The following MET variants were observed in gnomAD, a reference collection of about 807,000 sequenced individuals.
The protein encoded by MET is hepatocyte growth factor receptor.
A neutral mutation model predicts 133.1 loss-of-function variants in MET; 48 were observed. That is an observed-to-expected ratio of 0.36 (90% CI 0.29 to 0.46). The LOEUF (loss-of-function observed/expected upper bound fraction) is 0.46, where lower values mean the gene tolerates loss of function less well. Among genes scored for constraint, MET ranks in the 20% least tolerant of loss-of-function variants. The pLI is 1.00. For missense variants in MET, 1,442 were observed against 1,695.9 expected (o/e 0.85, Z 2.63); for synonymous variants, 628 against 616.5 (o/e 1.02, Z -0.28).
At chr7:116,731,632 G>A (rs775643960) in intron 2 of MET, 36 bp from the exon 3 acceptor site, 3 of 1,610,070 alleles carry the variant, frequency 1.9e-6, no homozygotes, top group Non-Finnish European at 2.5e-6. Flanking sequence ...TTCATGTCTG[G>A]ATTCACATTA....
At chr7:116,744,995 G>C (rs572342218) in intron 5 of MET, among the ~76,000 whole-genome samples, 25 of 152,322 alleles carry the variant, frequency 1.6e-4, no homozygotes, top group Non-Finnish European at 3.4e-4. Flanking sequence ...AATTGTCCCT[G>C]TTTGCAGATG....
chr7:116,737,610 A>T (rs1793269347), intron 3 of MET, among the ~76,000 whole-genome samples: 1 of 152,158 alleles, frequency 6.6e-6, no homozygotes, highest in Admixed American at 6.5e-5. Flanking sequence ...AATAGTACCT[A>T]CCTTATAGGA....
rs563007490 is a variant in MET, at chr7:116,694,986, A to G, written c.-14-4085A>G. The stretch of plus-strand genomic sequence containing the variant: ...AGATTATTTTGAAGGCTCCTTCAAA[A>G]AGCCTAGAAGAAAAAATGTCATTCA... On this transcript the variant is annotated intron_variant, in intron 1 of 20. Coordinates refer to ENST00000397752, the MANE Select transcript of MET (RefSeq NM_000245.4). 3.3e-5 allele frequency among the ~76,000 whole-genome samples: 5 copies of G among 152,316 alleles called. No individual in the cohort carries two copies. In the East Asian group the frequency reaches 9.6e-4, roughly 29 times the overall value.
rs968958135 is a variant in MET, at chr7:116,672,337, G to A, written c.-255G>A. 2 of 305,730 alleles carry A rather than the reference G, an allele frequency of 6.5e-6. No homozygotes were observed. Among genetic ancestry groups the A allele is most frequent in the East Asian group, 5.2e-5 (1 of 19,064 alleles). 18.9% of individuals were successfully genotyped at this position (305,730 alleles called of 1,614,324 possible). Reference sequence around the variant, plus strand: ...GGCAGGGCAGCGCGCGTGTGGGAAGGGGCGGAGGGAGTGCGGCCGGCGGGC... The same window carrying A: ...GGCAGGGCAGCGCGCGTGTGGGAAGAGGCGGAGGGAGTGCGGCCGGCGGGC... On this transcript the variant is annotated 5_prime_UTR_variant, in exon 1 of 21. Coordinates refer to ENST00000397752, the MANE Select transcript of MET (RefSeq NM_000245.4).
intron 3 of MET, among the ~76,000 whole-genome samples, chr7:116,735,728 G>T (rs923982426): frequency 4.0e-5 from 6 of 149,612 alleles, no homozygotes; most frequent in African/African-American, 1.5e-4. Flanking sequence ...CTGCCTTTTT[G>T]TGTGTGTACA....
At chr7:116,735,021 C>G (rs984138307) in intron 3 of MET, among the ~76,000 whole-genome samples, 6 of 152,124 alleles carry the variant, frequency 3.9e-5, no homozygotes, top group Non-Finnish European at 7.3e-5. Flanking sequence ...GACTGTCAGG[C>G]CAGGGAGAGT....
chr7:116,771,132 T>G (rs1167875033), intron 12 of MET, among the ~76,000 whole-genome samples: 4 of 152,198 alleles, frequency 2.6e-5, no homozygotes, highest in Non-Finnish European at 5.9e-5. Flanking sequence ...AATGTCCCAT[T>G]GTCTCTGTTG....
At chr7:116,764,678 A>G (rs1318169583) in intron 11 of MET, among the ~76,000 whole-genome samples, 5 of 152,180 alleles carry the variant, frequency 3.3e-5, no homozygotes, top group Non-Finnish European at 5.9e-5. Context: ...TTGGACCAAG[A>G]AAAACATAAT....
intron 2 of MET, chr7:116,724,085 G>C (rs1792624553): frequency 5.7e-6 from 1 of 174,596 alleles, no homozygotes; most frequent in Admixed American, 6.3e-5. Context: ...CCCCAGCCTC[G>C]CTGCCGCCTT....
chr7:116,769,715 T>C lies in MET; in HGVS notation c.2654T>C (p.Ile885Thr), dbSNP rs1794768724. 6.2e-7 allele frequency: 1 copy of C among 1,613,048 alleles called. No individual in the cohort carries two copies. Among genetic ancestry groups the C allele is most frequent in the Non-Finnish European group, 8.5e-7 (1 of 1,179,786 alleles). ...GTTGGAAATAAGAGCTGTGAGAATA[T>C]ACACTTACATTCTGAAGCCGTTTTA... ...LKVGNKSCENIHLHSEAVLCT... is the reference protein window; with the variant it reads ...LKVGNKSCENTHLHSEAVLCT... The change falls in exon 12 of 21, where the codon ATA becomes ACA. Residue 885 changes from isoleucine (I) to threonine (T), a missense_variant. Physicochemically the swap from Ile to Thr is moderately conservative, Grantham distance 89 (BLOSUM62 -1). Transcript: ENST00000397752.
At chr7:116,730,515 G>A (rs1291428820) in intron 2 of MET, among the ~76,000 whole-genome samples, 3 of 152,208 alleles carry the variant, frequency 2.0e-5, no homozygotes, top group Non-Finnish European at 4.4e-5. Context: ...AACAGTGGAT[G>A]TGGTGGGTCT....
chr7:116,759,615 G>A (rs1296280927), intron 10 of MET, 125 bp downstream of exon 10: 3 of 1,054,402 alleles, frequency 2.8e-6, no homozygotes, highest in Non-Finnish European at 4.3e-6. Context: ...TCCTTGCAGT[G>A]TAGCCAAGTA....
At position 116,797,794 on chromosome 7, in the gene MET, A is replaced by G. The variant is rs1182727638; in HGVS notation, c.*1670A>G. ...AATGTACTGATTGCCAATACACCCC[A>G]CCCTCATTACATCATCAGGACTTGA... On this transcript the variant is annotated 3_prime_UTR_variant, in exon 21 of 21. Coordinates refer to ENST00000397752, the MANE Select transcript of MET (RefSeq NM_000245.4). The G allele has an allele frequency of 8.9e-6, 2 of 225,726 alleles. No homozygotes were observed. Among genetic ancestry groups the G allele is most frequent in the Non-Finnish European group, 1.8e-5 (2 of 113,394 alleles). The allele number at this position is 225,726 out of a possible 1,614,324, so 14.0% of individuals were successfully genotyped here. A position where few individuals can be genotyped will look rare whatever the true frequency, so the allele number is the denominator to read the frequency against.
At chr7:116,752,016 G>T (rs1419160204) in intron 5 of MET, among the ~76,000 whole-genome samples, 1 of 151,972 alleles carries the variant, frequency 6.6e-6, no homozygotes, top group Non-Finnish European at 1.5e-5. Flanking sequence ...AGCCAAGATT[G>T]CTCCACTGCA....
At chr7:116,704,304 T>C (rs1791699068) in intron 2 of MET, among the ~76,000 whole-genome samples, 1 of 152,114 alleles carries the variant, frequency 6.6e-6, no homozygotes, top group African/African-American at 2.4e-5. Context: ...ATCAGAGATG[T>C]TGGTTCAAAT....
intron 1 of MET, among the ~76,000 whole-genome samples, chr7:116,673,130 G>GA (rs955108480): frequency 2.6e-5 from 4 of 152,298 alleles, no homozygotes; most frequent in Admixed American, 2.6e-4. Flanking sequence ...CTTATTAGGT[G>GA]AAATAGATTA....
chr7:116,785,192 T>C (rs1430882194), intron 19 of MET, among the ~76,000 whole-genome samples: 3 of 152,232 alleles, frequency 2.0e-5, no homozygotes, highest in Non-Finnish European at 4.4e-5. Context: ...CCATGGCTGC[T>C]TTCATCGGCT....
chr7:116,693,870 G>A (rs1312503717), intron 1 of MET, among the ~76,000 whole-genome samples: 2 of 152,216 alleles, frequency 1.3e-5, no homozygotes, highest in Admixed American at 6.5e-5. Flanking sequence ...GTGCCAGGCA[G>A]TGTTCTTAGT....
intron 10 of MET, among the ~76,000 whole-genome samples, chr7:116,761,760 C>G (rs1794403996): frequency 6.6e-6 from 1 of 151,978 alleles, no homozygotes; most frequent in African/African-American, 2.4e-5. Flanking sequence ...TTATATAAAA[C>G]TAAATAGTAT....
Sources: allele counts gnomAD v4.1 joint callset (sites outside exome capture counted in the v4.1 genomes callset), GRCh38; gene constraint gnomAD v4.1.1; transcripts MANE v1.5; gene names NCBI Gene and HGNC (gene_info 2026-07-23, HGNC 2026-07-21).